SUSD4: variants seen among roughly 807,000 people sequenced by gnomAD.
SUSD4 encodes sushi domain-containing protein 4.
A neutral mutation model predicts 50.5 loss-of-function variants in SUSD4; 41 were observed. The observed-to-expected ratio is 0.81, with a 90% confidence interval of 0.63 to 1.05. SUSD4 has a LOEUF of 1.05. Among genes scored for constraint, SUSD4 ranks in the 50% least tolerant of loss-of-function variants. The pLI, the probability that SUSD4 is intolerant of heterozygous loss-of-function variation, is 0.00. For synonymous variants in SUSD4, 257 were observed against 257.3 expected (o/e 1.00, Z 0.01); for missense variants, 580 against 634.7 (o/e 0.91, Z 0.93).
intron 2 of SUSD4, among the ~76,000 whole-genome samples, chr1:223,295,895 C>T (rs1024298418): frequency 6.6e-6 from 1 of 151,462 alleles, no homozygotes; most frequent in Non-Finnish European, 1.5e-5. Context: ...CGATCAGATT[C>T]GCATTTTAGA....
intron 2 of SUSD4, among the ~76,000 whole-genome samples, chr1:223,361,701 G>A (rs1485117957): frequency 6.6e-6 from 1 of 152,186 alleles, no homozygotes. Context: ...AATGAACCTT[G>A]ATTAACTAGT....
chr1:223,337,209 G>T (rs1281258167), intron 2 of SUSD4, among the ~76,000 whole-genome samples: 2 of 152,192 alleles, frequency 1.3e-5, no homozygotes, highest in Non-Finnish European at 2.9e-5. Flanking sequence ...AATGTTAGTA[G>T]AATGCATGAA....
intron 2 of SUSD4, chr1:223,358,743 C>T (rs747746210): frequency 2.6e-5 from 4 of 155,372 alleles, no homozygotes; most frequent in Non-Finnish European, 4.3e-5. Context: ...ATTTTACCCA[C>T]TGGATAAATC....
chr1:223,247,700 G>A (rs1661033014), intron 5 of SUSD4, among the ~76,000 whole-genome samples: 1 of 152,104 alleles, frequency 6.6e-6, no homozygotes, highest in Non-Finnish European at 1.5e-5. Context: ...TAAGCCACTG[G>A]TTCCTCAACC....
intron 2 of SUSD4, among the ~76,000 whole-genome samples, chr1:223,320,670 G>C (rs1207443461): frequency 6.6e-6 from 1 of 152,170 alleles, no homozygotes; most frequent in Admixed American, 6.5e-5. Context: ...CCAGTACCCT[G>C]CAGCTCACAC....
chr1:223,240,773 A>G (rs1187175212), intron 5 of SUSD4, among the ~76,000 whole-genome samples: 1 of 152,216 alleles, frequency 6.6e-6, no homozygotes, highest in Non-Finnish European at 1.5e-5. Flanking sequence ...GAACCCCAAC[A>G]TTCCTGTCAT....
chr1:223,239,989 T>G (rs2103019958), intron 5 of SUSD4, among the ~76,000 whole-genome samples: 1 of 152,262 alleles, frequency 6.6e-6, no homozygotes, highest in Middle Eastern at 3.4e-3. Flanking sequence ...CTTTCCACAT[T>G]TTTGTTTGCC....
intron 3 of SUSD4, among the ~76,000 whole-genome samples, chr1:223,290,681 T>C (rs1664432090): frequency 6.6e-6 from 1 of 151,438 alleles, no homozygotes; most frequent in Non-Finnish European, 1.5e-5. Flanking sequence ...TTCCATTAAA[T>C]AAGTAGAGAA....
At chr1:223,351,752 T>A (rs1668379706) in intron 2 of SUSD4, among the ~76,000 whole-genome samples, 1 of 152,154 alleles carries the variant, frequency 6.6e-6, no homozygotes, top group African/African-American at 2.4e-5. Flanking sequence ...CATTCATTCA[T>A]GTGAACGTGT....
intron 5 of SUSD4, among the ~76,000 whole-genome samples, chr1:223,255,143 A>G (rs1468219696): frequency 3.3e-5 from 5 of 152,076 alleles, no homozygotes; most frequent in East Asian, 1.9e-4. Flanking sequence ...TCACAAAGGG[A>G]CCTCTGTTTG....
rs1286330570 is a variant in SUSD4, at chr1:223,231,252, G to A, written c.725-1864C>T. 2.6e-5 allele frequency among the ~76,000 whole-genome samples: 4 copies of A among 152,152 alleles called. No individual in the cohort carries two copies. Among genetic ancestry groups the A allele is most frequent in the Non-Finnish European group, 4.4e-5 (3 of 68,020 alleles). ...AGGCTCCCTCTGGACAAAGCCAGTG[G>A]GGAGCCAGGTGACAAGGGGGTCTGG... On this transcript the variant is annotated intron_variant, in intron 5 of 8. Transcript: ENST00000366878. This position sits in a 1 kb window ranked among gnomAD's most constrained non-coding sequence, Gnocchi z 4.2.
intron 5 of SUSD4, among the ~76,000 whole-genome samples, chr1:223,245,754 C>G (rs1474499900): frequency 6.6e-6 from 1 of 152,200 alleles, no homozygotes; most frequent in African/African-American, 2.4e-5. Flanking sequence ...TGGACCAGGA[C>G]AGTGGCAGCC....
chr1:223,355,544 T>C (rs1209271091), intron 2 of SUSD4, among the ~76,000 whole-genome samples: 1 of 152,086 alleles, frequency 6.6e-6, no homozygotes, highest in South Asian at 2.1e-4. Context: ...TTAAAAAGAA[T>C]CTCCCTCCTC....
At chr1:223,336,142 C>T (rs1485087200) in intron 2 of SUSD4, among the ~76,000 whole-genome samples, 1 of 152,066 alleles carries the variant, frequency 6.6e-6, no homozygotes, top group South Asian at 2.1e-4. Flanking sequence ...TTAGTAGATA[C>T]GGGGTTTCTC....
chr1:223,250,697 C>A (rs561808687), intron 5 of SUSD4, among the ~76,000 whole-genome samples: 2 of 152,128 alleles, frequency 1.3e-5, no homozygotes, highest in Non-Finnish European at 2.9e-5. Context: ...GGTTAGAGTT[C>A]GGAAAAGCCT....
intron 7 of SUSD4, among the ~76,000 whole-genome samples, chr1:223,223,992 A>G (rs1330595373): frequency 6.6e-6 from 1 of 152,246 alleles, no homozygotes; most frequent in Non-Finnish European, 1.5e-5. Flanking sequence ...CTAACAGAGC[A>G]GCCCAGTGCA....
chr1:223,238,041 C>A (rs1159804512), intron 5 of SUSD4, among the ~76,000 whole-genome samples: 1 of 151,940 alleles, frequency 6.6e-6, no homozygotes, highest in Non-Finnish European at 1.5e-5. Context: ...TAGGCCTATT[C>A]AGATGGTCTA....
intron 5 of SUSD4, among the ~76,000 whole-genome samples, chr1:223,232,273 T>C (rs1032546797): frequency 2.6e-5 from 4 of 152,196 alleles, no homozygotes; most frequent in Non-Finnish European, 5.9e-5. Context: ...TTAATAATAC[T>C]GTATTATACA....
chr1:223,259,207 G>A (rs1661921489), intron 5 of SUSD4, among the ~76,000 whole-genome samples: 1 of 152,180 alleles, frequency 6.6e-6, no homozygotes, highest in Non-Finnish European at 1.5e-5. Flanking sequence ...CACCTCAGAG[G>A]CACTTACGTG....
Sources: gnomAD v4.1 joint callset for allele counts (sites outside exome capture counted in the v4.1 genomes callset) on GRCh38, gnomAD v4.1.1 for gene constraint, Gnocchi (gnomAD v3.1) non-coding constraint, MANE v1.5 for transcripts, NCBI Gene and HGNC (gene_info 2026-07-23, HGNC 2026-07-21) for gene names.